The following MMP20 variants were observed in gnomAD, a reference collection of about 807,000 sequenced individuals.
MMP20 encodes the protein matrix metallopeptidase 20, also known as matrix metalloproteinase-20.
In MMP20, 50 loss-of-function variants were observed where a neutral mutation model predicts 51.8. The ratio of observed to expected loss-of-function variants is 0.97; its 90% CI spans 0.77 to 1.22. The LOEUF (loss-of-function observed/expected upper bound fraction) is 1.22. Ranked by LOEUF, MMP20 falls within the 50% of genes most tolerant of loss-of-function variation. The pLI, the probability that MMP20 is intolerant of heterozygous loss-of-function variation, is 0.00. For synonymous variants in MMP20, 244 were observed against 216.2 expected (o/e 1.13, Z -1.13); for missense variants, 663 against 601.4 (o/e 1.10, Z -1.07).
chr11:102,595,072 C>A (rs938792049), intron 6 of MMP20, among the ~76,000 whole-genome samples: 13 of 152,030 alleles, frequency 8.6e-5, no homozygotes, highest in Admixed American at 7.2e-4. Context: ...CAGCTGTGTG[C>A]CACCATGCCT....
intron 5 of MMP20, among the ~76,000 whole-genome samples, chr11:102,608,348 A>C (rs17098936): frequency 0.061 from 9,241 of 152,262 alleles, 344 homozygotes; most frequent in Non-Finnish European, 0.071. Context: ...ATCCCTTATT[A>C]CCTTTTGGAA....
chr11:102,603,833 T>G (rs1784431), intron 6 of MMP20, among the ~76,000 whole-genome samples: 77,289 of 151,948 alleles, frequency 0.51, 20,104 homozygotes, highest in South Asian at 0.64. Context: ...ATACGTACAT[T>G]GTAGCAGGCC....
intron 6 of MMP20, among the ~76,000 whole-genome samples, chr11:102,598,937 T>C (rs1428276161): frequency 6.6e-6 from 1 of 152,178 alleles, no homozygotes; most frequent in Non-Finnish European, 1.5e-5. Flanking sequence ...TCATCGTCTT[T>C]AGTCTCACAC....
At chr11:102,613,574 A>G (rs973999132) in intron 2 of MMP20, among the ~76,000 whole-genome samples, 1 of 152,234 alleles carries the variant, frequency 6.6e-6, no homozygotes, top group Non-Finnish European at 1.5e-5. Flanking sequence ...GTGTTTTGAA[A>G]GGTATCTTAG....
intron 6 of MMP20, among the ~76,000 whole-genome samples, chr11:102,595,522 T>C (rs909722449): frequency 6.6e-6 from 1 of 152,248 alleles, no homozygotes; most frequent in Non-Finnish European, 1.5e-5. Context: ...TTGTGAATAG[T>C]ATGTAAATGA....
chr11:102,584,707 A>T (rs1029571105), intron 8 of MMP20, among the ~76,000 whole-genome samples: 4 of 152,116 alleles, frequency 2.6e-5, no homozygotes, highest in African/African-American at 9.7e-5. Context: ...TAAATCCAAG[A>T]TCACGAAGAT....
chr11:102,618,852 G>A (rs1859709286), intron 1 of MMP20, among the ~76,000 whole-genome samples: 1 of 152,094 alleles, frequency 6.6e-6, no homozygotes, highest in South Asian at 2.1e-4. Flanking sequence ...AAATAAAAAG[G>A]AGTAAGTATC....
At chr11:102,614,402 G>T (rs1711411) in intron 2 of MMP20, among the ~76,000 whole-genome samples, 62,881 of 151,818 alleles carry the variant, frequency 0.41, 13,501 homozygotes, top group South Asian at 0.59. Flanking sequence ...GTGTTGAGGG[G>T]TTTTTAAGAC....
intron 6 of MMP20, among the ~76,000 whole-genome samples, chr11:102,598,947 C>T (rs908386236): frequency 3.3e-5 from 5 of 152,042 alleles, no homozygotes; most frequent in African/African-American, 9.7e-5. Flanking sequence ...TAGTCTCACA[C>T]TCTCTTAGAT....
rs17098541 is a variant in MMP20, at chr11:102,577,027, C to G, written c.*299G>C. 4.0e-4 allele frequency: 131 copies of G among 325,568 alleles called. No individual in the cohort carries two copies. Among genetic ancestry groups the G allele is most frequent in the African/African-American group, 2.7e-3 (128 of 47,210 alleles). The allele number at this position is 325,568 out of a possible 1,614,324, so 20.2% of individuals were successfully genotyped here. Reference sequence around the variant, plus strand: ...CTTCCTCCTGGAAATAAAAATCAAACGGATCAATCTGCTTCAGTATATTAG... The same window carrying G: ...CTTCCTCCTGGAAATAAAAATCAAAGGGATCAATCTGCTTCAGTATATTAG... On this transcript the variant is annotated 3_prime_UTR_variant, in exon 10 of 10. Transcript: ENST00000260228.
chr11:102,585,570 C>A (rs960871160), intron 8 of MMP20, among the ~76,000 whole-genome samples: 3 of 152,124 alleles, frequency 2.0e-5, no homozygotes, highest in Admixed American at 6.5e-5. Context: ...TTTACTTTCT[C>A]TCCTATCTGG....
intron 8 of MMP20, among the ~76,000 whole-genome samples, chr11:102,589,753 T>C (rs1859295773): frequency 6.6e-6 from 1 of 152,230 alleles, no homozygotes; most frequent in African/African-American, 2.4e-5. Flanking sequence ...ATATGTCTAA[T>C]AAATGTAGGT....
At chr11:102,593,366 T>TG in intron 8 of MMP20, 73 bp downstream of exon 8, 2 of 1,532,904 alleles carry the variant, frequency 1.3e-6, no homozygotes, top group Non-Finnish European at 1.8e-6. Flanking sequence ...CATTCTTTCG[T>TG]GGAAGGGTTT....
chr11:102,617,912 C>T (rs1859695007), intron 1 of MMP20, among the ~76,000 whole-genome samples: 1 of 152,138 alleles, frequency 6.6e-6, no homozygotes, highest in Non-Finnish European at 1.5e-5. Context: ...AACCAAAGAG[C>T]AGCTAAGGGT....
At position 102,624,449 on chromosome 11, in the gene MMP20, TA is replaced by T. The variant is rs551204413; in HGVS notation, c.126+744del. Among the ~76,000 whole-genome samples the T allele has an allele frequency of 6.1e-5, 9 of 147,802 alleles. No individual in the cohort carries two copies. The East Asian group carries it at 1.6e-3, about 26-fold the overall frequency. ...ATATATATATATATATATATATATG[TA>T]GAAATCATTTTGAGTCAAGCAGTCT... On this transcript the variant is annotated intron_variant, in intron 1 of 9. Coordinates refer to ENST00000260228, the MANE Select transcript of MMP20 (RefSeq NM_004771.4).
At chr11:102,606,445 T>C (rs932912632) in intron 6 of MMP20, 90 bp downstream of exon 6, 50 of 1,533,838 alleles carry the variant, frequency 3.3e-5, no homozygotes, top group Admixed American at 2.4e-4. Context: ...ATGATCTTCA[T>C]ACAAGGCAGC....
intron 6 of MMP20, among the ~76,000 whole-genome samples, chr11:102,602,345 A>AT (rs113550987): frequency 0.51 from 76,897 of 150,982 alleles, 20,106 homozygotes; most frequent in South Asian, 0.66. Context: ...AGATTAAAAA[A>AT]ATATATAGAA....
intron 9 of MMP20, among the ~76,000 whole-genome samples, chr11:102,578,744 AAAAAACAAAAAACAAAAAAC>A (rs1190304374): frequency 5.0e-3 from 5 of 994 alleles, no homozygotes; most frequent in African/African-American, 7.7e-3. Context: ...CAAAAAAAAC[AAAAAACAAAAAACAAAAAAC>A]AAAAACAAAA....
intron 8 of MMP20, among the ~76,000 whole-genome samples, chr11:102,588,834 C>G (rs1173816277): frequency 6.6e-6 from 1 of 152,180 alleles, no homozygotes; most frequent in East Asian, 1.9e-4. Context: ...ATTTCTCCTT[C>G]ATTTTTGAAA....
Sources: gnomAD v4.1 joint callset for allele counts (sites outside exome capture counted in the v4.1 genomes callset) on GRCh38, gnomAD v4.1.1 for gene constraint, MANE v1.5 for transcripts, NCBI Gene and HGNC (gene_info 2026-07-23, HGNC 2026-07-21) for gene names.